SPIN1: variants seen among roughly 807,000 people sequenced by gnomAD.
The protein encoded by SPIN1 is spindlin 1, also known as spindlin-1.
SPIN1 carries 3 observed loss-of-function variants against 26.0 expected under a neutral mutation model. The observed-to-expected ratio is 0.12, with a 90% CI of 0.05 to 0.30. SPIN1 has a LOEUF of 0.30. SPIN1 is among the 10% of genes least tolerant of loss of function. SPIN1 has a pLI of 1.00. For synonymous variants in SPIN1, 101 were observed against 116.5 expected (o/e 0.87, Z 0.86); for missense variants, 126 against 333.4 (o/e 0.38, Z 4.84).
chr9:88,468,683 T>C (rs1471129529), intron 5 of SPIN1, 78 bp downstream of exon 5: 1 of 891,358 alleles, frequency 1.1e-6, no homozygotes, highest in Non-Finnish European at 1.6e-6. Context: ...TGATTGGCTC[T>C]TTTGCAGATA....
intron 1 of SPIN1, among the ~76,000 whole-genome samples, chr9:88,408,684 T>TC (rs1827365953): frequency 6.6e-6 from 1 of 151,166 alleles, no homozygotes; most frequent in South Asian, 2.1e-4. Context: ...CCTTTTTTTT[T>TC]TTTTTTTTGA....
intron 2 of SPIN1, among the ~76,000 whole-genome samples, chr9:88,435,162 G>T (rs901736045): frequency 6.6e-6 from 1 of 151,544 alleles, no homozygotes; most frequent in Non-Finnish European, 1.5e-5. Flanking sequence ...GATTTTGTGA[G>T]ATCTCACCAG....
intron 2 of SPIN1, among the ~76,000 whole-genome samples, chr9:88,430,569 C>T (rs1476291860): frequency 1.3e-5 from 2 of 152,206 alleles, no homozygotes; most frequent in East Asian, 3.9e-4. Flanking sequence ...CTTCCAACAT[C>T]TGCCATGACC....
intron 1 of SPIN1, among the ~76,000 whole-genome samples, chr9:88,410,267 CA>C (rs1234105114): frequency 1.3e-5 from 2 of 149,468 alleles, no homozygotes; most frequent in East Asian, 3.9e-4. Context: ...AGCATGGGTG[CA>C]AAAAAAATCT....
chr9:88,463,853 A>G (rs1421673569), intron 4 of SPIN1, among the ~76,000 whole-genome samples: 2 of 152,142 alleles, frequency 1.3e-5, no homozygotes, highest in African/African-American at 4.8e-5. Context: ...CTTCCTCTTG[A>G]TGCACATCCT....
At chr9:88,464,164 A>G (rs1332179636) in intron 4 of SPIN1, among the ~76,000 whole-genome samples, 1 of 152,242 alleles carries the variant, frequency 6.6e-6, no homozygotes, top group African/African-American at 2.4e-5. Context: ...AAAGAAACCC[A>G]AGAGCTTTTC....
intron 2 of SPIN1, among the ~76,000 whole-genome samples, chr9:88,445,156 C>T (rs1587803594): frequency 1.3e-5 from 2 of 152,136 alleles, no homozygotes; most frequent in South Asian, 2.1e-4. Flanking sequence ...GAAAAGGGTT[C>T]TTGACAAGGG....
At chr9:88,467,785 A>T (rs539721530) in intron 4 of SPIN1, among the ~76,000 whole-genome samples, 31 of 152,176 alleles carry the variant, frequency 2.0e-4, no homozygotes, top group African/African-American at 6.3e-4. Context: ...AGAGAGTAAA[A>T]ACCTATGCCT....
intron 2 of SPIN1, among the ~76,000 whole-genome samples, chr9:88,433,901 GT>G (rs964990185): frequency 4.6e-4 from 67 of 146,148 alleles, no homozygotes; most frequent in Non-Finnish European, 7.4e-4. Context: ...CCAGTTTTTT[GT>G]TTTTTTTTTT....
In SPIN1 at chr9:88,390,286, TTG is replaced by T. The variant is rs372123248; in HGVS notation, c.-159+1754_-159+1755del. 9.9e-4 allele frequency among the ~76,000 whole-genome samples: 150 copies of T among 152,270 alleles called. 3 individuals are homozygous for T. In the East Asian group the frequency reaches 0.024, roughly 24 times the overall value. On this transcript the variant is annotated intron_variant, in intron 1 of 5. Transcript: ENST00000375859. ...TGTCCTTAAAGTGTATCTCAGATAA[TTG>T]TGTGTCTCCCTTACTTGTGAACTGA... is the stretch of plus-strand genomic sequence containing the variant.
At chr9:88,446,245 G>C (rs1286762699) in intron 2 of SPIN1, among the ~76,000 whole-genome samples, 1 of 152,004 alleles carries the variant, frequency 6.6e-6, no homozygotes, top group Non-Finnish European at 1.5e-5. Context: ...TTGATTTGTG[G>C]TAATATTGTT....
chr9:88,422,697 G>A (rs1237724709), intron 1 of SPIN1, among the ~76,000 whole-genome samples: 1 of 150,654 alleles, frequency 6.6e-6, no homozygotes. Context: ...CTCAACATGA[G>A]GGAAGGACTC....
intron 1 of SPIN1, among the ~76,000 whole-genome samples, chr9:88,417,307 TG>T (rs1564027124): frequency 6.6e-6 from 1 of 152,180 alleles, no homozygotes; most frequent in Non-Finnish European, 1.5e-5. Context: ...CAAATGTGTG[TG>T]GGTTTTCCCT....
rs1351267582 is a variant in SPIN1 at position 88,398,402 on chromosome 9, T to G, written c.-159+9864T>G. ...ATGAAAGCAGAACCATTCCTGTTTT[T>G]GCCTGTAATTACTTTTCTGGTATCT... is the stretch of plus-strand genomic sequence containing the variant. On this transcript the variant is annotated intron_variant, in intron 1 of 5. Transcript: ENST00000375859. Among the ~76,000 whole-genome samples the G allele has an allele frequency of 2.0e-5, 3 of 152,220 alleles. No individual in the cohort carries two copies. The East Asian group carries it at 5.8e-4, about 29-fold the overall frequency.
chr9:88,429,503 C>T (rs1827823955), intron 2 of SPIN1, among the ~76,000 whole-genome samples: 1 of 152,118 alleles, frequency 6.6e-6, no homozygotes, highest in African/African-American at 2.4e-5. Flanking sequence ...CTCAGTGAAA[C>T]ACTTAACTTT....
rs141997377 is a variant in SPIN1 at position 88,446,258 on chromosome 9, T to C, written c.53-2683T>C. ...CTTTGATTTGTGGTAATATTGTTTGTCTTGAAGCTAGTTTGTTTGGCTTTT... is the reference window on the plus strand; with the variant it reads ...CTTTGATTTGTGGTAATATTGTTTGCCTTGAAGCTAGTTTGTTTGGCTTTT... On this transcript the variant is annotated intron_variant, in intron 2 of 5. Coordinates refer to ENST00000375859, the MANE Select transcript of SPIN1 (RefSeq NM_006717.3). Among the ~76,000 whole-genome samples the C allele has an allele frequency of 1.5e-4, 23 of 152,348 alleles. No homozygotes were observed. The East Asian group carries it at 4.4e-3, about 29-fold the overall frequency.
intron 1 of SPIN1, among the ~76,000 whole-genome samples, chr9:88,398,464 T>C (rs1458129878): frequency 2.0e-5 from 3 of 152,120 alleles, no homozygotes; most frequent in African/African-American, 4.8e-5. Flanking sequence ...CAAGCTACCC[T>C]GTGCAGTAGC....
intron 1 of SPIN1, among the ~76,000 whole-genome samples, chr9:88,417,957 A>G (rs1209394567): frequency 6.6e-6 from 1 of 152,224 alleles, no homozygotes; most frequent in Non-Finnish European, 1.5e-5. Flanking sequence ...TGGAAGAGAG[A>G]TGCATAAGGC....
intron 1 of SPIN1, among the ~76,000 whole-genome samples, chr9:88,406,998 C>A (rs934229996): frequency 6.6e-6 from 1 of 152,052 alleles, no homozygotes; most frequent in Non-Finnish European, 1.5e-5. Context: ...TTATCCTTTT[C>A]ATTTCCTAAC....
Sources: allele counts gnomAD v4.1 joint callset (sites outside exome capture counted in the v4.1 genomes callset), GRCh38; gene constraint gnomAD v4.1.1; transcripts MANE v1.5; gene names NCBI Gene and HGNC (gene_info 2026-07-23, HGNC 2026-07-21).